SLC30A6: variants seen among roughly 807,000 people sequenced by gnomAD.
SLC30A6 encodes zinc transporter 6.
SLC30A6 carries 55 observed loss-of-function variants against 63.0 expected under a neutral mutation model. The observed-to-expected ratio is 0.87, with a 90% CI of 0.70 to 1.09. The LOEUF (loss-of-function observed/expected upper bound fraction) is 1.09, where lower values mean the gene tolerates loss of function less well. SLC30A6 is among the 50% of genes least tolerant of loss of function. The pLI is 0.00. For synonymous variants in SLC30A6, 224 were observed against 186.1 expected, an observed-to-expected ratio of 1.20 and a Z score of -1.66; for missense variants, 587 against 549.2, an observed-to-expected ratio of 1.07 and a Z score of -0.69.
At chr2:32,170,743 T>C in intron 1 of SLC30A6, among the ~76,000 whole-genome samples, 1 of 152,108 alleles carries the variant, frequency 6.6e-6, no homozygotes, top group East Asian at 1.9e-4. Context: ...GTATTACAGG[T>C]GTGCACCACC....
Position 32,209,557 on chromosome 2 carries a change from C to G in SLC30A6, c.881C>G (p.Ser294Ter), listed in dbSNP as rs760175221. ...CATTTTTGGACCCTAGGTTTTGGCT[C>G]ATTGGTATGTTCTTTTACATATGAC... ...NEHFWTLGFG[S>*]LAGSVHVRIR... The change falls in exon 13 of 14, where the codon TCA becomes TGA. Residue 294 changes from serine to a stop codon, truncating the protein, a stop_gained. Coordinates refer to ENST00000282587, the MANE Select transcript of SLC30A6 (RefSeq NM_017964.5). LOFTEE classifies it high-confidence loss of function. 1.2e-6 allele frequency: 2 copies of G among 1,611,222 alleles called. No homozygotes were observed. The highest frequency in any genetic ancestry group is 3.4e-5 in the Admixed American group (2 of 59,524).
chr2:32,217,070 T>C (rs1296209001), intron 13 of SLC30A6, among the ~76,000 whole-genome samples: 1 of 151,600 alleles, frequency 6.6e-6, no homozygotes, highest in African/African-American at 2.4e-5. Context: ...TTTTTTTTTT[T>C]CCATTTTTGT....
intron 13 of SLC30A6, among the ~76,000 whole-genome samples, 166 bp from the exon 14 acceptor site, chr2:32,220,047 A>G (rs182549816): frequency 1.3e-5 from 2 of 152,328 alleles, no homozygotes; most frequent in East Asian, 1.9e-4. Flanking sequence ...AACTCATTAC[A>G]ATGATAATCA....
intron 9 of SLC30A6, 72 bp from the exon 10 acceptor site, chr2:32,197,635 T>C (rs1683912645): frequency 6.3e-7 from 1 of 1,596,360 alleles, no homozygotes. Flanking sequence ...ATACAAGTTA[T>C]CTTTTACAAG....
At chr2:32,197,885 G>T (rs1243123016) in intron 10 of SLC30A6, 59 bp downstream of exon 10, 20 of 1,594,400 alleles carry the variant, frequency 1.3e-5, no homozygotes, top group Non-Finnish European at 1.7e-5. Context: ...ACTTTTAAGG[G>T]CATCAGCAGG....
chr2:32,192,372 C>T lies in SLC30A6; in HGVS notation c.321C>T (p.Ser107=), dbSNP rs138174651. 3.1e-6 allele frequency: 5 copies of T among 1,613,822 alleles called. No individual in the cohort carries two copies. In the African/African-American group the frequency reaches 5.3e-5, roughly 17 times the overall value. The change falls in exon 6 of 14, where the codon TCC becomes TCT. Residue 107 remains serine (S), a synonymous_variant. Transcript: ENST00000282587. ...ERLEVLAVFA[S]TVLAQLGALF... ...TAGAAGTCCTGGCTGTATTTGCCTC[C>T]ACAGTCTTGGCACAGTTGGGAGCTC...
chr2:32,210,783 GT>G (rs1685196806), intron 13 of SLC30A6, among the ~76,000 whole-genome samples: 1 of 152,050 alleles, frequency 6.6e-6, no homozygotes, highest in Admixed American at 6.6e-5. Flanking sequence ...TGGGAAAATG[GT>G]TGCTTCACCT....
At chr2:32,218,763 G>A (rs1302214420) in intron 13 of SLC30A6, among the ~76,000 whole-genome samples, 2 of 152,086 alleles carry the variant, frequency 1.3e-5, no homozygotes, top group African/African-American at 2.4e-5. Flanking sequence ...CGCCATGTTG[G>A]CCAGGCTGGT....
In SLC30A6 at chr2:32,204,610, C is replaced by T. The variant is rs763983851; in HGVS notation, c.686C>T (p.Thr229Ile). 28 of 1,611,332 alleles carry T rather than the reference C, an allele frequency of 1.7e-5. No individual in the cohort carries two copies. The highest frequency in any genetic ancestry group is 2.4e-5 in the Non-Finnish European group (28 of 1,178,338). The change falls in exon 11 of 14, where the codon ACT (threonine) becomes ATT (isoleucine). Residue 229 changes from threonine to isoleucine, a missense_variant. Thr to Ile is a moderately conservative substitution (Grantham distance 89, BLOSUM62 -1). Transcript: ENST00000282587. ...TTTAGTAATTATTTTGCCGTAGACA[C>T]TGCCTCTGCTATAGCTATTGCCTTG... The part of the protein sequence containing the change: ...IEINNYFAVD[T>I]ASAIAIALMT...
Position 32,174,093 on chromosome 2 carries a change from A to T in SLC30A6, c.121A>T (p.Asn41Tyr), listed in dbSNP as rs922966689. Residue 41 changes from asparagine (N) to tyrosine (Y), a missense_variant, in exon 3 of 14, where the codon AAC becomes TAC. Transcript: ENST00000282587. ...GAAGATACTGCTCTTTGGTGTAATA[A>T]ACTTGATATGTACTGGCTTCCTGCT... ...SWKILLFGVI[N>Y]LICTGFLLMW... 1 of 1,613,732 alleles carries T rather than the reference A, an allele frequency of 6.2e-7. No individual in the cohort carries two copies. The highest frequency in any genetic ancestry group is 1.7e-5 in the Admixed American group (1 of 60,010).
At chr2:32,212,726 A>T (rs1685359275) in intron 13 of SLC30A6, among the ~76,000 whole-genome samples, 1 of 149,706 alleles carries the variant, frequency 6.7e-6, no homozygotes, top group East Asian at 2.0e-4. Context: ...CCTCCCCAGT[A>T]GCTGGGACTA....
intron 13 of SLC30A6, among the ~76,000 whole-genome samples, chr2:32,209,819 A>G (rs928438591): frequency 1.1e-4 from 16 of 152,072 alleles, no homozygotes; most frequent in Admixed American, 5.3e-4. Flanking sequence ...CTCCCAAACA[A>G]TAGAGGAATG....
At chr2:32,197,295 T>TG (rs747844597) in intron 8 of SLC30A6, 49 bp from the exon 9 acceptor site, 1 of 1,446,164 alleles carries the variant, frequency 6.9e-7, no homozygotes, top group Non-Finnish European at 9.4e-7. Context: ...TTTCAGGTAG[T>TG]GGTTTTTTTT....
At chr2:32,205,039 C>T (rs1192822330) in intron 11 of SLC30A6, among the ~76,000 whole-genome samples, 1 of 152,040 alleles carries the variant, frequency 6.6e-6, no homozygotes, top group Non-Finnish European at 1.5e-5. Flanking sequence ...TCTCAAACTC[C>T]TGGGCTCAAA....
rs1481798850 is a variant in SLC30A6 at position 32,215,424 on chromosome 2, A to T, written c.886-4789A>T. Among the ~76,000 whole-genome samples, 2 of 150,716 alleles carry T rather than the reference A, an allele frequency of 1.3e-5. 1 individual carries two copies. Among genetic ancestry groups the T allele is most frequent in the Non-Finnish European group, 2.9e-5 (2 of 67,806 alleles). ...TGTCCAGTCTGGTCTCAAACTCCTG[A>T]GCTCAAGTGATCCATCTACCTCAGC... is the stretch of plus-strand genomic sequence containing the variant. On this transcript the variant is annotated intron_variant, in intron 13 of 13. Transcript: ENST00000282587.
chr2:32,210,805 C>T (rs1685198066), intron 13 of SLC30A6, among the ~76,000 whole-genome samples: 1 of 151,912 alleles, frequency 6.6e-6, no homozygotes, highest in African/African-American at 2.4e-5. Flanking sequence ...CCACCTTCCC[C>T]AACTCTTTCC....
chr2:32,211,911 C>G (rs947205674), intron 13 of SLC30A6, among the ~76,000 whole-genome samples: 1 of 152,124 alleles, frequency 6.6e-6, no homozygotes, highest in African/African-American at 2.4e-5. Flanking sequence ...TGAGCTACTG[C>G]GCTCGGCCCA....
At chr2:32,202,656 C>A in intron 10 of SLC30A6, 1 of 607,452 alleles carries the variant, frequency 1.6e-6, no homozygotes, top group Non-Finnish European at 3.1e-6. Flanking sequence ...TAAACTGTGC[C>A]ATGTTGTGCT....
chr2:32,214,092 C>T (rs1009473823), intron 13 of SLC30A6, among the ~76,000 whole-genome samples: 3 of 152,036 alleles, frequency 2.0e-5, no homozygotes, highest in Admixed American at 6.6e-5. Flanking sequence ...CCATGCCCCA[C>T]GTCTGGCTAA....
Sources: allele counts gnomAD v4.1 joint callset (sites outside exome capture counted in the v4.1 genomes callset), GRCh38; gene constraint gnomAD v4.1.1; transcripts MANE v1.5; gene names NCBI Gene and HGNC (gene_info 2026-07-23, HGNC 2026-07-21).